ZC3H14: variants seen among roughly 807,000 people sequenced by gnomAD.
ZC3H14 encodes zinc finger CCCH-type containing 14, also known as zinc finger CCCH domain-containing protein 14.
Under a neutral mutation model 92.4 loss-of-function variants are expected in ZC3H14, and 31 were observed. That is an observed-to-expected ratio of 0.34 (90% CI 0.25 to 0.45). The LOEUF (loss-of-function observed/expected upper bound fraction) is 0.45, where lower values mean the gene tolerates loss of function less well. Ranked by LOEUF, ZC3H14 falls within the 20% of genes least tolerant of loss-of-function variation. The probability of loss-of-function intolerance (pLI) is 1.00; values close to 1 mark genes in which losing one functional copy is unlikely to be tolerated. For missense variants in ZC3H14, 781 were observed against 897.3 expected (o/e 0.87, Z 1.66); for synonymous variants, 321 against 300.9 (o/e 1.07, Z -0.69).
chr14:88,601,663 C>T (rs2084664582), intron 10 of ZC3H14, among the ~76,000 whole-genome samples: 1 of 152,142 alleles, frequency 6.6e-6, no homozygotes, highest in South Asian at 2.1e-4. Flanking sequence ...GATGCCTCAC[C>T]TGAGAACCTT....
Position 88,620,747 on chromosome 14 carries a change from CACTA to C in ZC3H14, c.*8999_*9002del. 1 of 1,573,220 alleles carries C rather than the reference CACTA, an allele frequency of 6.4e-7. No individual in the cohort carries two copies. The highest frequency in any genetic ancestry group is 8.6e-7 in the Non-Finnish European group (1 of 1,165,214). ...TACTAGAAACTCTATTCCATTTGTT[CACTA>C]ACCTGATATCATGGATTGCACATCT... On this transcript the variant is annotated 3_prime_UTR_variant, in exon 17 of 17. Coordinates refer to ENST00000251038, the MANE Select transcript of ZC3H14 (RefSeq NM_024824.5). This position sits in a 1 kb window ranked among gnomAD's most constrained non-coding sequence, Gnocchi z 4.3.
intron 9 of ZC3H14, chr14:88,592,481 A>G (rs892728484): frequency 1.6e-4 from 23 of 140,412 alleles, no homozygotes; most frequent in African/African-American, 6.0e-4. Flanking sequence ...ACCATTCTTT[A>G]TAAGGATTCC....
chr14:88,619,596 T>G lies in ZC3H14; in HGVS notation c.*7845T>G, dbSNP rs1012252087. 1 of 152,252 alleles carries G rather than the reference T, an allele frequency of 6.6e-6. No individual in the cohort carries two copies. The highest frequency in any genetic ancestry group is 1.5e-5 in the Non-Finnish European group (1 of 68,038). 9.4% of individuals were successfully genotyped at this position (152,252 alleles called of 1,614,324 possible). ...GTTTTCTTCCATCTGGAAAAAACGT[T>G]GTCTTAATATTAAGCAAAGAACACA... On this transcript the variant is annotated 3_prime_UTR_variant, in exon 17 of 17. Coordinates refer to ENST00000251038, the MANE Select transcript of ZC3H14 (RefSeq NM_024824.5).
rs2089638660 is a variant in ZC3H14, at chr14:88,624,656, TC to T, written c.*12910del. The T allele has an allele frequency of 4.3e-6, 1 of 231,774 alleles. No homozygotes were observed. Among genetic ancestry groups the T allele is most frequent in the South Asian group, 9.3e-5 (1 of 10,728 alleles). 14.4% of individuals were successfully genotyped at this position (231,774 alleles called of 1,614,324 possible). ...TCAAAATACAACCCTGGCTCCAGAT[TC>T]CCCCATGGGCCTCCTACTCAGCAAA... On this transcript the variant is annotated 3_prime_UTR_variant, in exon 17 of 17. Transcript: ENST00000251038.
intron 4 of ZC3H14, 111 bp from the exon 5 acceptor site, chr14:88,571,919 G>A (rs1419323732): frequency 1.2e-5 from 10 of 838,556 alleles, no homozygotes; most frequent in South Asian, 2.5e-5. Flanking sequence ...AGCCGAGAAC[G>A]CGCCACTGCC....
rs1317175804 is a variant in ZC3H14, at chr14:88,624,502, A to G, written c.*12751A>G. On this transcript the variant is annotated 3_prime_UTR_variant, in exon 17 of 17. Transcript: ENST00000251038. ...CTTCTCAAATTTTGAGGTCTTGTAT[A>G]AAACAGTTTAAATTTGCCTCAAGCA... 5 of 155,964 alleles carry G rather than the reference A, an allele frequency of 3.2e-5. No homozygotes were observed. The highest frequency in any genetic ancestry group is 1.2e-4 in the African/African-American group (5 of 41,464). 9.7% of individuals were successfully genotyped at this position (155,964 alleles called of 1,614,324 possible). A position where few individuals can be genotyped will look rare whatever the true frequency, so the allele number is the denominator to read the frequency against.
Position 88,615,500 on chromosome 14 carries a change from A to G in ZC3H14, c.*3749A>G, listed in dbSNP as rs960914752. The stretch of plus-strand genomic sequence containing the variant: ...TGGGTTTTTGAGTTCTTCTGTAAAG[A>G]GTGCTCTACCCTAAATTTTCCCAGC... On this transcript the variant is annotated 3_prime_UTR_variant, in exon 17 of 17. Transcript: ENST00000251038. 7.1e-6 allele frequency: 2 copies of G among 280,312 alleles called. No homozygotes were observed. Among genetic ancestry groups the G allele is most frequent in the African/African-American group, 4.4e-5 (2 of 45,902 alleles). 17.4% of individuals were successfully genotyped at this position (280,312 alleles called of 1,614,324 possible). A position where few individuals can be genotyped will look rare whatever the true frequency, so the allele number is the denominator to read the frequency against.
At chr14:88,565,788 T>G (rs1050555445) in intron 2 of ZC3H14, among the ~76,000 whole-genome samples, 7 of 152,106 alleles carry the variant, frequency 4.6e-5, no homozygotes, top group African/African-American at 1.7e-4. Context: ...TGAGACCAGA[T>G]TTTTTCATAT....
intron 4 of ZC3H14, 95 bp from the exon 5 acceptor site, chr14:88,571,935 G>A: frequency 9.4e-7 from 1 of 1,059,190 alleles, no homozygotes; most frequent in Non-Finnish European, 1.3e-6. Context: ...CTGCCCTCCA[G>A]CCTGGCGACA....
At chr14:88,589,417 T>G (rs1371435569) in intron 9 of ZC3H14, 3 of 152,294 alleles carry the variant, frequency 2.0e-5, no homozygotes, top group African/African-American at 7.2e-5. Flanking sequence ...CTCTCACAGT[T>G]GGATGGCCCT....
At chr14:88,585,112 A>G (rs973449746) in intron 9 of ZC3H14, among the ~76,000 whole-genome samples, 1 of 152,154 alleles carries the variant, frequency 6.6e-6, no homozygotes, top group Non-Finnish European at 1.5e-5. Flanking sequence ...GGTCAACTAT[A>G]TATTATATCT....
intron 1 of ZC3H14, 168 bp from the exon 2 acceptor site, chr14:88,563,483 C>G (rs1419764049): frequency 4.7e-6 from 7 of 1,504,106 alleles, no homozygotes; most frequent in African/African-American, 2.8e-5. Flanking sequence ...GGGGCTGGAG[C>G]TGGAGTGGGG....
rs114168470 is a variant in ZC3H14, at chr14:88,602,560, G to A, written c.1515-268G>A. Among the ~76,000 whole-genome samples the A allele has an allele frequency of 3.6e-3, 544 of 152,264 alleles. 3 individuals carry two copies. Among genetic ancestry groups the A allele is most frequent in the African/African-American group, 0.013 (521 of 41,546 alleles). Reference sequence around the variant, plus strand: ...TTTCCATGTTGACCCTATGAAGATCGAATGGGTGATGGGGTCAGGCTTGAG... The same window carrying A: ...TTTCCATGTTGACCCTATGAAGATCAAATGGGTGATGGGGTCAGGCTTGAG... On this transcript the variant is annotated intron_variant, in intron 11 of 16. Coordinates refer to ENST00000251038, the MANE Select transcript of ZC3H14 (RefSeq NM_024824.5).
rs775231179 is a variant in ZC3H14, at chr14:88,607,380, C to G, written c.1868+17C>G. 22 of 1,595,022 alleles carry G rather than the reference C, an allele frequency of 1.4e-5. 3 individuals carry two copies. The South Asian group carries it at 2.4e-4, about 18-fold the overall frequency. ...ACCCTGCAAGTGAGTACCATCCCCC[C>G]ATCTCACCCTGCAAGTGAGTACCAT... On this transcript the variant is annotated intron_variant, in intron 13 of 16. Transcript: ENST00000251038.
In ZC3H14 at chr14:88,563,059, CG is replaced by C. The variant is rs2079074152; in HGVS notation, c.-71del. On this transcript the variant is annotated 5_prime_UTR_variant, in exon 1 of 17. Transcript: ENST00000251038. Reference sequence around the variant, plus strand: ...GGAGGAGGCGGTGGTGTCCCGGCTGCGGGGTAGGAGTCCGCGGCAGCCTCCG... The same window carrying C: ...GGAGGAGGCGGTGGTGTCCCGGCTGCGGGTAGGAGTCCGCGGCAGCCTCCG... 1 of 1,530,938 alleles carries C rather than the reference CG, an allele frequency of 6.5e-7. No homozygotes were observed. Among genetic ancestry groups the C allele is most frequent in the Non-Finnish European group, 8.7e-7 (1 of 1,143,734 alleles). 94.8% of individuals were successfully genotyped at this position (1,530,938 alleles called of 1,614,324 possible).
chr14:88,574,592 A>G (rs1019315932), intron 6 of ZC3H14, 101 bp from the exon 7 acceptor site: 30 of 1,399,900 alleles, frequency 2.1e-5, no homozygotes, highest in African/African-American at 7.1e-5. Flanking sequence ...TGAATTTCTC[A>G]TATTACTGTG....
Position 88,616,993 on chromosome 14 carries a change from CA to C in ZC3H14, c.*5243del. 2.1e-6 allele frequency: 2 copies of C among 945,044 alleles called. No homozygotes were observed. The highest frequency in any genetic ancestry group is 3.1e-6 in the Non-Finnish European group (2 of 644,120). The allele number at this position is 945,044 out of a possible 1,614,324, so 58.5% of individuals were successfully genotyped here. A position where few individuals can be genotyped will look rare whatever the true frequency, so the allele number is the denominator to read the frequency against. ...GTACCCTATCATGTTACTTAAAATACAGGAAGTAAATTATGGTAAGTTGTTT... is the reference window on the plus strand; with the variant it reads ...GTACCCTATCATGTTACTTAAAATACGGAAGTAAATTATGGTAAGTTGTTT... On this transcript the variant is annotated 3_prime_UTR_variant, in exon 17 of 17. Transcript: ENST00000251038.
rs17188046 is a variant in ZC3H14, at chr14:88,624,417, A to T, written c.*12666A>T. The stretch of plus-strand genomic sequence containing the variant: ...CATGCATATGACTATGTTGGTGACA[A>T]ATCAAATCATAAGTATCTGGTTACT... On this transcript the variant is annotated 3_prime_UTR_variant, in exon 17 of 17. Coordinates refer to ENST00000251038, the MANE Select transcript of ZC3H14 (RefSeq NM_024824.5). 0.24 allele frequency: 36,048 copies of T among 152,598 alleles called. 4,449 individuals carry two copies. The highest frequency in any genetic ancestry group is 0.38 in the East Asian group (1,942 of 5,176). 9.5% of individuals were successfully genotyped at this position (152,598 alleles called of 1,614,324 possible). A position where few individuals can be genotyped will look rare whatever the true frequency, so the allele number is the denominator to read the frequency against.
intron 9 of ZC3H14, among the ~76,000 whole-genome samples, chr14:88,592,971 CTT>C (rs11403585): frequency 5.7e-5 from 8 of 140,552 alleles, no homozygotes; most frequent in African/African-American, 7.9e-5. Context: ...CTTTACTATT[CTT>C]TTTTTTTTTT....
Sources: gnomAD v4.1 joint callset for allele counts (sites outside exome capture counted in the v4.1 genomes callset) on GRCh38, gnomAD v4.1.1 for gene constraint, Gnocchi (gnomAD v3.1) non-coding constraint, MANE v1.5 for transcripts, NCBI Gene and HGNC (gene_info 2026-07-23, HGNC 2026-07-21) for gene names.